TAFA1: variants seen among roughly 807,000 people sequenced by gnomAD.
The protein encoded by TAFA1 is TAFA chemokine like family member 1.
Under a neutral mutation model 18.5 loss-of-function variants are expected in TAFA1, and 4 were observed. The ratio of observed to expected loss-of-function variants is 0.22; its 90% CI spans 0.11 to 0.49. The LOEUF (loss-of-function observed/expected upper bound fraction) is 0.49, where lower values mean the gene tolerates loss of function less well. Among genes scored for constraint, TAFA1 ranks in the 20% least tolerant of loss-of-function variants. The pLI, the probability that TAFA1 is intolerant of heterozygous loss-of-function variation, is 0.98. For synonymous variants in TAFA1, 56 were observed against 55.2 expected, an observed-to-expected ratio of 1.01 and a Z score of -0.06; for missense variants, 147 against 169.0, an observed-to-expected ratio of 0.87 and a Z score of 0.72.
intron 2 of TAFA1, among the ~76,000 whole-genome samples, chr3:68,304,269 C>T (rs2068366072): frequency 6.6e-6 from 1 of 152,174 alleles, no homozygotes; most frequent in African/African-American, 2.4e-5. Context: ...ATTCAAAATA[C>T]TAGAAGGTTT....
chr3:68,365,174 G>T (rs2069541615), intron 2 of TAFA1, among the ~76,000 whole-genome samples: 1 of 152,180 alleles, frequency 6.6e-6, no homozygotes, highest in Non-Finnish European at 1.5e-5. Context: ...TACCCAGTAA[G>T]TATACTGAGG....
chr3:68,017,979 A>C (rs6803837), intron 2 of TAFA1, among the ~76,000 whole-genome samples: 2 of 152,094 alleles, frequency 1.3e-5, no homozygotes, highest in African/African-American at 4.8e-5. Flanking sequence ...CTAGAAGAAC[A>C]GAAGGGTGGT....
intron 2 of TAFA1, among the ~76,000 whole-genome samples, chr3:68,096,044 A>G (rs1197528654): frequency 6.6e-6 from 1 of 151,942 alleles, no homozygotes; most frequent in Admixed American, 6.6e-5. Flanking sequence ...GTACCCATTA[A>G]CCAACTTCTT....
At chr3:68,447,607 G>A (rs775561107) in intron 3 of TAFA1, among the ~76,000 whole-genome samples, 61 of 152,192 alleles carry the variant, frequency 4.0e-4, no homozygotes, top group Non-Finnish European at 6.9e-4. Context: ...AGTTAGATGG[G>A]TGTGGATGGT....
chr3:68,087,015 A>C (rs913607698), intron 2 of TAFA1, among the ~76,000 whole-genome samples: 13 of 152,194 alleles, frequency 8.5e-5, no homozygotes, highest in African/African-American at 2.9e-4. Context: ...TGGGACTGGA[A>C]ATCTTGCATG....
chr3:68,462,949 A>C (rs1028688528), intron 3 of TAFA1, among the ~76,000 whole-genome samples: 2 of 152,222 alleles, frequency 1.3e-5, no homozygotes, highest in Admixed American at 6.5e-5. Context: ...GAAAGTAGTA[A>C]GGTAAACAAA....
chr3:68,076,878 G>A lies in TAFA1; in HGVS notation c.118+70134G>A, dbSNP rs1310791033. 7.2e-5 allele frequency among the ~76,000 whole-genome samples: 11 copies of A among 152,226 alleles called. No individual in the cohort carries two copies. The South Asian group carries it at 1.7e-3, about 23-fold the overall frequency. ...TCCAGTTCTAGATCCCCGAGGAATC[G>A]CCACACTGACTTCCACAATGGTTGA... is the stretch of plus-strand genomic sequence containing the variant. On this transcript the variant is annotated intron_variant, in intron 2 of 4. Coordinates refer to ENST00000478136, the MANE Select transcript of TAFA1 (RefSeq NM_213609.4).
Position 68,299,267 on chromosome 3 carries a change from C to A in TAFA1, c.119-118013C>A, listed in dbSNP as rs150872769. ...CAGCTAAGTTACTCTGAAAAATAAA[C>A]AAGATAAACAGCCCTAGCTATGCTT... On this transcript the variant is annotated intron_variant, in intron 2 of 4. Transcript: ENST00000478136. Among the ~76,000 whole-genome samples the A allele has an allele frequency of 9.4e-4, 143 of 152,252 alleles. 1 individual carries two copies. The East Asian group carries it at 0.022, about 24-fold the overall frequency.
chr3:68,097,450 C>A (rs767790150), intron 2 of TAFA1, among the ~76,000 whole-genome samples: 2 of 152,128 alleles, frequency 1.3e-5, no homozygotes, highest in Non-Finnish European at 2.9e-5. Flanking sequence ...CACACCAATA[C>A]TAAACACTTC....
intron 2 of TAFA1, among the ~76,000 whole-genome samples, chr3:68,391,817 T>A (rs917794577): frequency 6.6e-6 from 1 of 152,054 alleles, no homozygotes; most frequent in Non-Finnish European, 1.5e-5. Flanking sequence ...TGCTGAGGGA[T>A]TTTGTCACCA....
At chr3:68,206,082 A>ATT (rs2066523102) in intron 2 of TAFA1, among the ~76,000 whole-genome samples, 1 of 151,964 alleles carries the variant, frequency 6.6e-6, no homozygotes, top group Non-Finnish European at 1.5e-5. Context: ...TGTGTGCTTC[A>ATT]TTTTAAAAAC....
intron 2 of TAFA1, among the ~76,000 whole-genome samples, chr3:68,258,711 A>G (rs1341102938): frequency 6.6e-6 from 1 of 152,196 alleles, no homozygotes; most frequent in African/African-American, 2.4e-5. Flanking sequence ...AATATTGGAA[A>G]TCTTCTAGTC....
chr3:68,491,239 C>T (rs2072447100), intron 3 of TAFA1, among the ~76,000 whole-genome samples: 2 of 151,980 alleles, frequency 1.3e-5, no homozygotes, highest in Admixed American at 6.6e-5. Flanking sequence ...CACATGCACA[C>T]GTATGTTTAT....
intron 2 of TAFA1, among the ~76,000 whole-genome samples, chr3:68,084,694 A>T (rs1176091601): frequency 1.3e-5 from 2 of 151,580 alleles, no homozygotes; most frequent in Non-Finnish European, 2.9e-5. Flanking sequence ...GCTACTTGGG[A>T]GGCTCAGGCA....
intron 2 of TAFA1, among the ~76,000 whole-genome samples, chr3:68,271,878 A>C (rs1575734743): frequency 6.6e-6 from 1 of 151,620 alleles, no homozygotes; most frequent in Admixed American, 6.6e-5. Flanking sequence ...ATATACAATG[A>C]GTTTATTCAC....
intron 2 of TAFA1, among the ~76,000 whole-genome samples, chr3:68,036,517 T>C (rs972639796): frequency 2.6e-5 from 4 of 151,882 alleles, no homozygotes; most frequent in Admixed American, 2.6e-4. Flanking sequence ...AAAGATCCCC[T>C]GGCATCATTT....
At chr3:68,317,959 G>T (rs1287753901) in intron 2 of TAFA1, among the ~76,000 whole-genome samples, 1 of 152,070 alleles carries the variant, frequency 6.6e-6, no homozygotes, top group African/African-American at 2.4e-5. Flanking sequence ...CCAACGCTTT[G>T]CAATGTGTTT....
At chr3:68,212,231 C>T (rs1021587536) in intron 2 of TAFA1, among the ~76,000 whole-genome samples, 11 of 143,054 alleles carry the variant, frequency 7.7e-5, no homozygotes, top group South Asian at 2.2e-4. Context: ...GTTCAAGACC[C>T]GAAAAAAAAA....
At chr3:68,497,703 C>A (rs1281517684) in intron 3 of TAFA1, among the ~76,000 whole-genome samples, 1 of 152,196 alleles carries the variant, frequency 6.6e-6, no homozygotes. Context: ...CTTCCACAAT[C>A]AGAGGAGGAT....
Sources: allele counts gnomAD v4.1 joint callset (sites outside exome capture counted in the v4.1 genomes callset), GRCh38; gene constraint gnomAD v4.1.1; transcripts MANE v1.5; gene names NCBI Gene and HGNC (gene_info 2026-07-23, HGNC 2026-07-21).